The following MYO9A variants were observed in gnomAD, a reference collection of about 807,000 sequenced individuals.
The protein encoded by MYO9A is unconventional myosin-IXa.
In MYO9A, 103 loss-of-function variants were observed where a neutral mutation model predicts 293.3. The observed-to-expected ratio is 0.35, with a 90% CI of 0.30 to 0.41. MYO9A has a LOEUF of 0.41. MYO9A is among the 10% of genes least tolerant of loss of function. The pLI, the probability that MYO9A is intolerant of heterozygous loss-of-function variation, is 1.00. For missense variants in MYO9A, 2,685 were observed against 3,033.0 expected, an observed-to-expected ratio of 0.89 and a Z score of 2.69; for synonymous variants, 1,001 against 1,035.7, an observed-to-expected ratio of 0.97 and a Z score of 0.64.
At chr15:71,860,022 G>T (rs2056049706) in intron 33 of MYO9A, among the ~76,000 whole-genome samples, 2 of 152,138 alleles carry the variant, frequency 1.3e-5, no homozygotes, top group Admixed American at 1.3e-4. Flanking sequence ...CACAGTCAAT[G>T]AAAAAGCTTT....
chr15:72,055,723 A>G (rs1596478811), intron 1 of MYO9A, among the ~76,000 whole-genome samples: 1 of 152,212 alleles, frequency 6.6e-6, no homozygotes, highest in East Asian at 1.9e-4. Flanking sequence ...GCTCAACAGC[A>G]TTAATGATGA....
At chr15:72,070,454 A>G (rs1451476292) in intron 1 of MYO9A, among the ~76,000 whole-genome samples, 1 of 134,006 alleles carries the variant, frequency 7.5e-6, no homozygotes, top group African/African-American at 2.8e-5. Context: ...CTCTGCCTCA[A>G]AAAAAAAAAA....
intron 6 of MYO9A, among the ~76,000 whole-genome samples, chr15:72,012,857 G>C (rs2077214620): frequency 6.6e-6 from 1 of 152,132 alleles, no homozygotes; most frequent in South Asian, 2.1e-4. Flanking sequence ...AAAATAGTGG[G>C]AAAGTACACT....
intron 34 of MYO9A, among the ~76,000 whole-genome samples, chr15:71,858,389 A>C (rs1259632230): frequency 1.3e-5 from 2 of 152,174 alleles, no homozygotes; most frequent in South Asian, 2.1e-4. Context: ...TGGATTAAGA[A>C]AATGTGGCAC....
intron 1 of MYO9A, among the ~76,000 whole-genome samples, chr15:72,089,660 G>A (rs188661217): frequency 2.3e-4 from 35 of 152,168 alleles, no homozygotes; most frequent in Admixed American, 2.0e-4. Context: ...ATACTGCTGT[G>A]GTCCCAGTTA....
intron 1 of MYO9A, among the ~76,000 whole-genome samples, chr15:72,069,553 T>C (rs1404965357): frequency 1.3e-5 from 2 of 152,198 alleles, no homozygotes; most frequent in Non-Finnish European, 2.9e-5. Flanking sequence ...ACAAGATCTC[T>C]AGATAAGAGA....
At chr15:71,998,815 G>A (rs2076782138) in intron 9 of MYO9A, among the ~76,000 whole-genome samples, 1 of 151,840 alleles carries the variant, frequency 6.6e-6, no homozygotes. Flanking sequence ...ATCTATGAGT[G>A]AGAACGTGCG....
chr15:71,851,281 G>A lies in MYO9A; in HGVS notation c.6553C>T (p.Leu2185=). ...ACTAGATGAAAGATGAGGCGTTCCA[G>A]TGTATTGAGATGAGTTCGGGAGAGT... ...DQLSRTHLNT[L]ERLIFHLVRI... is the part of the protein sequence containing the mutation. Residue 2185 remains leucine, a synonymous_variant, in exon 37 of 42, where the codon CTG becomes TTG. Transcript: ENST00000356056. The A allele has an allele frequency of 3.1e-6, 5 of 1,613,928 alleles. No individual in the cohort carries two copies. Among genetic ancestry groups the A allele is most frequent in the Non-Finnish European group, 3.4e-6 (4 of 1,179,862 alleles).
chr15:71,900,393 G>A (rs1185956191), intron 23 of MYO9A, among the ~76,000 whole-genome samples: 4 of 148,618 alleles, frequency 2.7e-5, no homozygotes, highest in Non-Finnish European at 5.9e-5. Context: ...CAGAATTCAC[G>A]CCACTGCACT....
intron 39 of MYO9A, among the ~76,000 whole-genome samples, chr15:71,835,293 A>AACTT (rs2054894362): frequency 6.6e-6 from 1 of 152,264 alleles, no homozygotes; most frequent in South Asian, 2.1e-4. Context: ...TGGAGGTTCT[A>AACTT]ACTTACATAA....
intron 13 of MYO9A, chr15:71,960,400 C>T: frequency 3.4e-6 from 1 of 294,340 alleles, no homozygotes; most frequent in Admixed American, 4.6e-5. Flanking sequence ...CCATGTGACA[C>T]ATGTGCTTCC....
intron 1 of MYO9A, among the ~76,000 whole-genome samples, chr15:72,097,973 T>C (rs1173503396): frequency 6.6e-6 from 1 of 152,006 alleles, no homozygotes; most frequent in Non-Finnish European, 1.5e-5. Flanking sequence ...GAAAGACCAC[T>C]GAAACTATAA....
chr15:72,081,230 T>C lies in MYO9A; in HGVS notation c.-71-34596A>G, dbSNP rs542460091. Among the ~76,000 whole-genome samples, 7 of 152,252 alleles carry C rather than the reference T, an allele frequency of 4.6e-5. No individual in the cohort carries two copies. The South Asian group carries it at 1.4e-3, about 32-fold the overall frequency. The stretch of plus-strand genomic sequence containing the variant: ...TCTCTGCAACCCCGCTAGCATCTGT[T>C]ATTTTTGACTTTTTAATAATAGTCA... On this transcript the variant is annotated intron_variant, in intron 1 of 41. Transcript: ENST00000356056.
chr15:71,853,060 C>G (rs142219180), intron 35 of MYO9A, among the ~76,000 whole-genome samples: 1 of 152,256 alleles, frequency 6.6e-6, no homozygotes, highest in Non-Finnish European at 1.5e-5. Flanking sequence ...CACCATTGTA[C>G]TACAGCCTGG....
At chr15:71,840,911 G>A (rs1324444557) in intron 39 of MYO9A, among the ~76,000 whole-genome samples, 4 of 152,230 alleles carry the variant, frequency 2.6e-5, no homozygotes, top group Non-Finnish European at 4.4e-5. Flanking sequence ...GATTACAGGC[G>A]TGAGCCGCCG....
chr15:72,023,622 G>A (rs772729028), intron 4 of MYO9A, among the ~76,000 whole-genome samples: 1 of 150,226 alleles, frequency 6.7e-6, no homozygotes, highest in Non-Finnish European at 1.5e-5. Flanking sequence ...TTGAACCCAG[G>A]AGGCGAAGGT....
chr15:72,089,595 C>A (rs1201287662), intron 1 of MYO9A, among the ~76,000 whole-genome samples: 1 of 152,022 alleles, frequency 6.6e-6, no homozygotes, highest in Non-Finnish European at 1.5e-5. Context: ...GTCTGGGCAA[C>A]ATAGTGAGAC....
chr15:71,933,390 G>T (rs2058534758), intron 18 of MYO9A, among the ~76,000 whole-genome samples: 2 of 152,040 alleles, frequency 1.3e-5, no homozygotes, highest in Non-Finnish European at 2.9e-5. Context: ...GAAATGAAAA[G>T]ACCTTACATA....
chr15:72,016,719 A>G lies in MYO9A; in HGVS notation c.1155+2320T>C, dbSNP rs1329820106. Among the ~76,000 whole-genome samples the G allele has an allele frequency of 2.6e-5, 4 of 152,204 alleles. No homozygotes were observed. In the East Asian group the frequency reaches 5.8e-4, roughly 22 times the overall value. ...ATCAGAAATTAAATTTCAAACTATA[A>G]TAGATTTTAAGACACAATAAACGGA... is the stretch of plus-strand genomic sequence containing the variant. On this transcript the variant is annotated intron_variant, in intron 6 of 41. Coordinates refer to ENST00000356056, the MANE Select transcript of MYO9A (RefSeq NM_006901.4).
Sources: allele counts gnomAD v4.1 joint callset (sites outside exome capture counted in the v4.1 genomes callset), GRCh38; gene constraint gnomAD v4.1.1; transcripts MANE v1.5; gene names NCBI Gene and HGNC (gene_info 2026-07-23, HGNC 2026-07-21).